C18orf63: variants seen among roughly 807,000 people sequenced by gnomAD.
The protein encoded by C18orf63 is uncharacterized protein C18orf63.
A neutral mutation model predicts 75.3 loss-of-function variants in C18orf63; 50 were observed. That is an observed-to-expected ratio of 0.66 (90% CI 0.53 to 0.84). C18orf63 has a LOEUF of 0.84. C18orf63 is among the 40% of genes least tolerant of loss of function. C18orf63 has a pLI of 0.00. For missense variants in C18orf63, 732 were observed against 800.2 expected (o/e 0.91, Z 1.03); for synonymous variants, 232 against 267.6 (o/e 0.87, Z 1.30).
intron 8 of C18orf63, among the ~76,000 whole-genome samples, chr18:74,339,962 G>GT (rs1555693949): frequency 2.0e-5 from 3 of 152,070 alleles, no homozygotes; most frequent in Non-Finnish European, 4.4e-5. Flanking sequence ...TGAAAACTAC[G>GT]TATCTGTGAA....
intron 7 of C18orf63, among the ~76,000 whole-genome samples, chr18:74,331,821 T>C (rs1984312496): frequency 6.6e-6 from 1 of 152,226 alleles, no homozygotes; most frequent in African/African-American, 2.4e-5. Flanking sequence ...ACTCAAATGC[T>C]ACTCCTCTAT....
chr18:74,328,383 G>T (rs1984244670), intron 5 of C18orf63, among the ~76,000 whole-genome samples: 1 of 152,130 alleles, frequency 6.6e-6, no homozygotes, highest in Non-Finnish European at 1.5e-5. Context: ...CCATGATTCA[G>T]TGATCTCCCA....
Position 74,320,496 on chromosome 18 carries a change from A to G in C18orf63, c.135-17A>G. On this transcript the variant is annotated splice_polypyrimidine_tract_variant and intron_variant, in intron 2 of 13. Transcript: ENST00000579455. Reference sequence around the variant, plus strand: ...AAACCATACCAGTCCACTTTGTAATATATTTCATCTCCACAGGCAATTGCT... The same window carrying G: ...AAACCATACCAGTCCACTTTGTAATGTATTTCATCTCCACAGGCAATTGCT... 5 of 1,513,298 alleles carry G rather than the reference A, an allele frequency of 3.3e-6. No homozygotes were observed. The South Asian group carries it at 3.6e-5, about 11-fold the overall frequency. 93.7% of individuals were successfully genotyped at this position (1,513,298 alleles called of 1,614,324 possible).
intron 4 of C18orf63, among the ~76,000 whole-genome samples, chr18:74,326,732 C>T (rs769356351): frequency 7.9e-5 from 12 of 152,214 alleles, no homozygotes; most frequent in Non-Finnish European, 1.8e-4. Flanking sequence ...ATGTTGTGAA[C>T]TGTTATTTCG....
chr18:74,343,906 A>G (rs1755472848), intron 11 of C18orf63, among the ~76,000 whole-genome samples: 1 of 152,152 alleles, frequency 6.6e-6, no homozygotes, highest in Non-Finnish European at 1.5e-5. Context: ...ATGGTATTAT[A>G]GTAGTAGTTG....
chr18:74,316,043 G>C lies in C18orf63; in HGVS notation c.-99G>C, dbSNP rs1471529215. 6.6e-6 allele frequency: 1 copy of C among 152,268 alleles called. No individual in the cohort carries two copies. The highest frequency in any genetic ancestry group is 2.4e-5 in the African/African-American group (1 of 41,436). 9.4% of individuals were successfully genotyped at this position (152,268 alleles called of 1,614,324 possible). A position where few individuals can be genotyped will look rare whatever the true frequency, so the allele number is the denominator to read the frequency against. On this transcript the variant is annotated 5_prime_UTR_variant, in exon 1 of 14. Transcript: ENST00000579455. ...CGCCCACCCGCCCTTTCCTCCCCCT[G>C]AGGAGACGCCTGACGCATCTGCAGT...
rs1263671291 is a variant in C18orf63, at chr18:74,327,983, CA to C, written c.308del (p.Gln103ArgfsTer23). On this transcript the variant is annotated frameshift_variant, in exon 5 of 14. Transcript: ENST00000579455. LOFTEE classifies it high-confidence loss of function. ...APQRVIPVIL[Q>X]NCLSYSFMAR... ...ACAAAGAGTAATTCCTGTAATTCTTCAGAACTGCCTGTCATATTCATTCATG... is the reference window on the plus strand; with the variant it reads ...ACAAAGAGTAATTCCTGTAATTCTTCGAACTGCCTGTCATATTCATTCATG... 4.6e-6 allele frequency: 7 copies of C among 1,535,528 alleles called. No individual in the cohort carries two copies. The highest frequency in any genetic ancestry group is 6.1e-6 in the Non-Finnish European group (7 of 1,146,484).
Position 74,328,135 on chromosome 18 carries a change from G to C in C18orf63, c.382+77G>C, listed in dbSNP as rs550514445. On this transcript the variant is annotated intron_variant, in intron 5 of 13. Transcript: ENST00000579455. Reference sequence around the variant, plus strand: ...TATGTGTGTATTAGTCTATTCTCATGCTGCTAATAAAGACATACTGGAGAC... The same window carrying C: ...TATGTGTGTATTAGTCTATTCTCATCCTGCTAATAAAGACATACTGGAGAC... 3.5e-6 allele frequency: 3 copies of C among 852,234 alleles called. No individual in the cohort carries two copies. The East Asian group carries it at 8.0e-5, about 23-fold the overall frequency. The allele number at this position is 852,234 out of a possible 1,614,324, so 52.8% of individuals were successfully genotyped here. A position where few individuals can be genotyped will look rare whatever the true frequency, so the allele number is the denominator to read the frequency against.
At chr18:74,316,983 A>T (rs956948790) in intron 1 of C18orf63, among the ~76,000 whole-genome samples, 1 of 152,236 alleles carries the variant, frequency 6.6e-6, no homozygotes, top group African/African-American at 2.4e-5. Context: ...TGGAATTTAC[A>T]TTCCTACTGT....
At chr18:74,347,127 G>A (rs1017837542) in intron 11 of C18orf63, among the ~76,000 whole-genome samples, 2 of 152,164 alleles carry the variant, frequency 1.3e-5, no homozygotes, top group South Asian at 2.1e-4. Context: ...TTTGATCTCT[G>A]TGTGCCCCAG....
intron 11 of C18orf63, among the ~76,000 whole-genome samples, chr18:74,350,617 A>G (rs1038305480): frequency 2.0e-5 from 3 of 152,158 alleles, no homozygotes; most frequent in Non-Finnish European, 2.9e-5. Flanking sequence ...TCAAGGCTCT[A>G]AAACTGAGAT....
At position 74,354,588 on chromosome 18, in the gene C18orf63, G is replaced by C. The variant is rs900403133; in HGVS notation, c.*33+42G>C. On this transcript the variant is annotated intron_variant, in intron 13 of 13. Coordinates refer to ENST00000579455, the MANE Select transcript of C18orf63 (RefSeq NM_001174123.2). ...CTTTTGATTTGTTTTTACATTATCT[G>C]AATTGGGATTGCCAAGTTTAGGGGT... 5.9e-6 allele frequency: 6 copies of C among 1,010,058 alleles called. No individual in the cohort carries two copies. In the Admixed American group the frequency reaches 1.6e-4, roughly 27 times the overall value. The allele number at this position is 1,010,058 out of a possible 1,614,324, so 62.6% of individuals were successfully genotyped here. A position where few individuals can be genotyped will look rare whatever the true frequency, so the allele number is the denominator to read the frequency against.
At chr18:74,322,646 A>ATT (rs1984142962) in intron 3 of C18orf63, 52 bp from the exon 4 acceptor site, 1 of 578,378 alleles carries the variant, frequency 1.7e-6, no homozygotes, top group African/African-American at 1.9e-5. Context: ...GCATTATTTA[A>ATT]TTATATATAT....
intron 6 of C18orf63, among the ~76,000 whole-genome samples, chr18:74,329,548 T>C (rs1214819961): frequency 6.6e-6 from 1 of 152,086 alleles, no homozygotes; most frequent in Non-Finnish European, 1.5e-5. Context: ...TTCATCTTAA[T>C]TGGAAAAAGC....
intron 10 of C18orf63, among the ~76,000 whole-genome samples, chr18:74,343,186 G>A (rs935758789): frequency 2.0e-5 from 3 of 152,048 alleles, no homozygotes; most frequent in Non-Finnish European, 4.4e-5. Flanking sequence ...CCTGTTCATT[G>A]TTTATTATAA....
At chr18:74,322,233 A>G (rs1305983249) in intron 3 of C18orf63, among the ~76,000 whole-genome samples, 1 of 152,234 alleles carries the variant, frequency 6.6e-6, no homozygotes, top group Non-Finnish European at 1.5e-5. Context: ...CTGTTTTTCC[A>G]TACCCTCACG....
intron 3 of C18orf63, among the ~76,000 whole-genome samples, chr18:74,321,568 G>A (rs1984122361): frequency 6.6e-6 from 1 of 152,014 alleles, no homozygotes; most frequent in South Asian, 2.1e-4. Context: ...ACCTCTCCAA[G>A]TGCTTAGATT....
chr18:74,329,850 AT>A (rs1347695570), intron 6 of C18orf63, among the ~76,000 whole-genome samples: 1 of 152,208 alleles, frequency 6.6e-6, no homozygotes, highest in African/African-American at 2.4e-5. Context: ...TAGTCCAGAG[AT>A]AGCAGATAGA....
Position 74,358,318 on chromosome 18 carries a change from T to A in C18orf63, c.*1871T>A, listed in dbSNP as rs1158703231. The A allele has an allele frequency of 6.6e-6, 1 of 152,106 alleles. No individual in the cohort carries two copies. The highest frequency in any genetic ancestry group is 2.4e-5 in the African/African-American group (1 of 41,430). 9.4% of individuals were successfully genotyped at this position (152,106 alleles called of 1,614,324 possible). ...TTTTTTTGTATAAAGTAGGTTTGAT[T>A]TTTATCTTACAATATTTATCCTAAT... On this transcript the variant is annotated 3_prime_UTR_variant, in exon 14 of 14. Coordinates refer to ENST00000579455, the MANE Select transcript of C18orf63 (RefSeq NM_001174123.2).
Sources: gnomAD v4.1 joint callset for allele counts (sites outside exome capture counted in the v4.1 genomes callset) on GRCh38, gnomAD v4.1.1 for gene constraint, MANE v1.5 for transcripts, NCBI Gene and HGNC (gene_info 2026-07-23, HGNC 2026-07-21) for gene names.